The following CRADD variants were observed in gnomAD, a reference collection of about 807,000 sequenced individuals.
The protein encoded by CRADD is death domain-containing protein CRADD.
A neutral mutation model predicts 15.5 loss-of-function variants in CRADD; 9 were observed. The observed-to-expected ratio is 0.58, with a 90% CI of 0.35 to 1.01. The LOEUF (loss-of-function observed/expected upper bound fraction) is 1.01, where lower values mean the gene tolerates loss of function less well. CRADD is among the 50% of genes least tolerant of loss of function. The probability of loss-of-function intolerance (pLI) is 0.02; values close to 1 mark genes in which losing one functional copy is unlikely to be tolerated. For synonymous variants in CRADD, 118 were observed against 107.6 expected (o/e 1.10, Z -0.60); for missense variants, 227 against 250.3 (o/e 0.91, Z 0.63).
intron 2 of CRADD, among the ~76,000 whole-genome samples, chr12:93,686,759 T>TC (rs1383444398): frequency 2.0e-5 from 3 of 152,206 alleles, no homozygotes; most frequent in Non-Finnish European, 4.4e-5. Context: ...CTAGTTAATG[T>TC]AATTTATTAC....
At chr12:93,678,640 A>G in intron 1 of CRADD, 129 bp from the exon 2 acceptor site, 1 of 908,928 alleles carries the variant, frequency 1.1e-6, no homozygotes, top group South Asian at 1.8e-5. Context: ...TGAATTAAAT[A>G]CCATGACCTG....
At position 93,708,947 on chromosome 12, in the gene CRADD, CTTG is replaced by C. The variant is rs1254571645; in HGVS notation, c.298+29880_298+29882del. 3 of 152,452 alleles carry C rather than the reference CTTG, an allele frequency of 2.0e-5. No homozygotes were observed. The South Asian group carries it at 6.2e-4, about 32-fold the overall frequency. 9.4% of individuals were successfully genotyped at this position (152,452 alleles called of 1,614,324 possible). A position where few individuals can be genotyped will look rare whatever the true frequency, so the allele number is the denominator to read the frequency against. ...CCATTTCCTGGTTCATAGACGGTAC[CTTG>C]TTGTGTCTTCACATGGTAGGAGGGT... On this transcript the variant is annotated intron_variant, in intron 2 of 2. Transcript: ENST00000332896.
intron 2 of CRADD, among the ~76,000 whole-genome samples, chr12:93,751,523 A>G (rs1474902063): frequency 1.3e-5 from 2 of 152,230 alleles, no homozygotes; most frequent in Non-Finnish European, 2.9e-5. Context: ...CTGCTTAAAC[A>G]AATCCTAGTA....
intron 2 of CRADD, among the ~76,000 whole-genome samples, chr12:93,879,371 A>T (rs1958479297): frequency 6.6e-6 from 1 of 152,128 alleles, no homozygotes; most frequent in East Asian, 1.9e-4. Flanking sequence ...TTCTCTACTC[A>T]TTCAGCTTTC....
At chr12:93,737,940 G>A in intron 2 of CRADD, 1 of 256,254 alleles carries the variant, frequency 3.9e-6, no homozygotes, top group Non-Finnish European at 7.3e-6. Context: ...GACTGAGGAA[G>A]AATTTCAGGG....
At chr12:93,766,647 C>T (rs1196842919) in intron 2 of CRADD, among the ~76,000 whole-genome samples, 1 of 152,224 alleles carries the variant, frequency 6.6e-6, no homozygotes, top group African/African-American at 2.4e-5. Flanking sequence ...TTAAAATTAA[C>T]TTCAAGGTGA....
intron 2 of CRADD, among the ~76,000 whole-genome samples, chr12:93,869,632 T>A (rs1013470607): frequency 6.6e-6 from 1 of 151,622 alleles, no homozygotes; most frequent in African/African-American, 2.4e-5. Flanking sequence ...AACTGAAAAA[T>A]ACAATACCTG....
At chr12:93,680,888 A>G (rs1592873169) in intron 2 of CRADD, among the ~76,000 whole-genome samples, 2 of 144,900 alleles carry the variant, frequency 1.4e-5, no homozygotes, top group South Asian at 4.3e-4. Flanking sequence ...GTATAATACC[A>G]TTTTTTTTTT....
intron 2 of CRADD, among the ~76,000 whole-genome samples, chr12:93,721,252 T>A (rs1037967411): frequency 3.3e-5 from 5 of 152,142 alleles, no homozygotes; most frequent in African/African-American, 9.7e-5. Context: ...TAAACTTTTT[T>A]AAAGTGGTTT....
At chr12:93,741,337 A>G (rs1956663234) in intron 2 of CRADD, among the ~76,000 whole-genome samples, 1 of 152,240 alleles carries the variant, frequency 6.6e-6, no homozygotes, top group Admixed American at 6.5e-5. Flanking sequence ...TGGGATAAGC[A>G]TAGAATCCTT....
chr12:93,803,785 T>C (rs1257483817), intron 2 of CRADD, among the ~76,000 whole-genome samples: 1 of 151,976 alleles, frequency 6.6e-6, no homozygotes, highest in Admixed American at 6.6e-5. Context: ...AAAGGGGACT[T>C]TGCAGGTGTG....
At chr12:93,778,719 G>GT in intron 2 of CRADD, among the ~76,000 whole-genome samples, 1 of 144,560 alleles carries the variant, frequency 6.9e-6, no homozygotes. Context: ...TTTTTTTTTG[G>GT]TTGGTTTTTT....
chr12:93,826,002 A>G (rs377510707), intron 2 of CRADD, among the ~76,000 whole-genome samples: 4 of 152,248 alleles, frequency 2.6e-5, no homozygotes, highest in East Asian at 3.8e-4. Flanking sequence ...TCTTCTACCT[A>G]TAAAGTACAT....
rs902686841 is a variant in CRADD at position 93,806,228 on chromosome 12, C to T, written c.299-43742C>T. On this transcript the variant is annotated intron_variant, in intron 2 of 2. Transcript: ENST00000332896. ...CAGCACTTTGGGAGGCCGAGGTGGG[C>T]GGATCAAAAGATCAGGAGTTCGAGA... Among the ~76,000 whole-genome samples the T allele has an allele frequency of 9.9e-5, 15 of 151,684 alleles. 1 individual carries two copies. The highest frequency in any genetic ancestry group is 4.2e-4 in the South Asian group (2 of 4,812).
chr12:93,693,701 G>A (rs1955629715), intron 2 of CRADD, among the ~76,000 whole-genome samples: 1 of 151,872 alleles, frequency 6.6e-6, no homozygotes, highest in Non-Finnish European at 1.5e-5. Flanking sequence ...GATAAAAAAA[G>A]TAATAAAGAA....
intron 2 of CRADD, among the ~76,000 whole-genome samples, chr12:93,845,351 C>T (rs567175608): frequency 8.5e-5 from 13 of 152,296 alleles, no homozygotes; most frequent in Admixed American, 4.6e-4. Flanking sequence ...GAGATGTTCA[C>T]GTTATAAGTA....
intron 2 of CRADD, among the ~76,000 whole-genome samples, chr12:93,780,746 T>G (rs954581339): frequency 6.6e-6 from 1 of 151,972 alleles, no homozygotes; most frequent in Non-Finnish European, 1.5e-5. Flanking sequence ...ATTACCTTTT[T>G]TTTTTTTTTG....
intron 2 of CRADD, among the ~76,000 whole-genome samples, chr12:93,702,977 C>T (rs1467735335): frequency 6.6e-6 from 1 of 152,086 alleles, no homozygotes; most frequent in Non-Finnish European, 1.5e-5. Context: ...TTGTTCAATC[C>T]AGTCAGGAAA....
At chr12:93,694,928 C>T (rs1483813293) in intron 2 of CRADD, among the ~76,000 whole-genome samples, 1 of 152,172 alleles carries the variant, frequency 6.6e-6, no homozygotes, top group Non-Finnish European at 1.5e-5. Context: ...TATCAAAATT[C>T]TAGTGACATA....
Sources: gnomAD v4.1 joint callset for allele counts (sites outside exome capture counted in the v4.1 genomes callset) on GRCh38, gnomAD v4.1.1 for gene constraint, MANE v1.5 for transcripts, NCBI Gene and HGNC (gene_info 2026-07-23, HGNC 2026-07-21) for gene names.